The following XPR1 variants were observed in gnomAD, a reference collection of about 807,000 sequenced individuals.
XPR1 encodes solute carrier family 53 member 1.
Under a neutral mutation model 87.5 loss-of-function variants are expected in XPR1, and 28 were observed. The observed-to-expected ratio is 0.32, with a 90% CI of 0.24 to 0.44. The LOEUF is 0.44. Among genes scored for constraint, XPR1 ranks in the 20% least tolerant of loss-of-function variants. The pLI is 1.00. For synonymous variants in XPR1, 300 were observed against 306.1 expected, an observed-to-expected ratio of 0.98 and a Z score of 0.21; for missense variants, 559 against 862.3, an observed-to-expected ratio of 0.65 and a Z score of 4.41.
chr1:180,726,260 G>A (rs1658335615), intron 2 of XPR1, among the ~76,000 whole-genome samples: 1 of 152,176 alleles, frequency 6.6e-6, no homozygotes, highest in Non-Finnish European at 1.5e-5. Flanking sequence ...TCATCAGGAC[G>A]TGGGTGGGGA....
rs1295494647 is a variant in XPR1 at position 180,873,821 on chromosome 1, A to G, written c.1687A>G (p.Ile563Val). The change falls in exon 13 of 15, where the codon ATA (isoleucine) becomes GTA (valine). Residue 563 changes from isoleucine to valine, a missense_variant. Around this residue, in one of 7 missense-constraint regions of XPR1, gnomAD observed 264 missense variants for 377.2 expected, o/e 0.70. Coordinates refer to ENST00000367590, the MANE Select transcript of XPR1 (RefSeq NM_004736.4). Reference protein sequence around the residue: ...YPQKAYYYCAIIEDVILRFAW... With the variant: ...YPQKAYYYCAVIEDVILRFAW... ...TTCTCAGGCCTACTACTACTGTGCC[A>G]TAATAGAGGATGTGATTCTGCGCTT... is the stretch of plus-strand genomic sequence containing the variant. The G allele has an allele frequency of 1.9e-6, 3 of 1,613,970 alleles. No homozygotes were observed. The highest frequency in any genetic ancestry group is 1.7e-5 in the Admixed American group (1 of 59,970).
intron 2 of XPR1, among the ~76,000 whole-genome samples, chr1:180,766,147 G>T (rs1317514858): frequency 6.6e-6 from 1 of 152,060 alleles, no homozygotes; most frequent in Non-Finnish European, 1.5e-5. Context: ...AGTATTTGTT[G>T]TCTTATTTAA....
At chr1:180,713,344 G>A (rs190531225) in intron 2 of XPR1, among the ~76,000 whole-genome samples, 17 of 152,026 alleles carry the variant, frequency 1.1e-4, no homozygotes, top group Admixed American at 2.0e-4. Context: ...TTGATCTTGT[G>A]CAAATTTGCT....
intron 11 of XPR1, among the ~76,000 whole-genome samples, chr1:180,854,588 A>G (rs1651972538): frequency 1.3e-5 from 2 of 152,178 alleles, no homozygotes; most frequent in South Asian, 4.1e-4. Flanking sequence ...TCAAAAAGGA[A>G]TGCTTTGTAA....
chr1:180,639,287 GA>G (rs563556717), intron 1 of XPR1, among the ~76,000 whole-genome samples: 6,221 of 142,406 alleles, frequency 0.044, 453 homozygotes, highest in African/African-American at 0.15. Flanking sequence ...GACACTGTCT[GA>G]AAAAAAAAAA....
intron 11 of XPR1, among the ~76,000 whole-genome samples, chr1:180,859,796 A>AT (rs1312905899): frequency 6.6e-5 from 10 of 152,186 alleles, no homozygotes; most frequent in South Asian, 2.1e-4. Flanking sequence ...AATATAAAAA[A>AT]TTAGAGTGTG....
chr1:180,652,256 C>T (rs1279901360), intron 1 of XPR1, among the ~76,000 whole-genome samples: 8 of 151,966 alleles, frequency 5.3e-5, no homozygotes, highest in Non-Finnish European at 4.4e-5. Context: ...GGCGCCATTG[C>T]ACTCCAGCCT....
chr1:180,781,799 C>T (rs1648953391), intron 2 of XPR1, among the ~76,000 whole-genome samples: 1 of 151,948 alleles, frequency 6.6e-6, no homozygotes, highest in Non-Finnish European at 1.5e-5. Context: ...AGGTATATCT[C>T]CTAAGAATCA....
At chr1:180,701,618 C>T (rs1264863690) in intron 2 of XPR1, among the ~76,000 whole-genome samples, 4 of 138,222 alleles carry the variant, frequency 2.9e-5, no homozygotes, top group Non-Finnish European at 4.6e-5. Context: ...ATTTGTTTTG[C>T]CAGTATTTTA....
intron 2 of XPR1, among the ~76,000 whole-genome samples, chr1:180,741,190 GTC>G (rs1658910005): frequency 6.6e-6 from 1 of 152,156 alleles, no homozygotes; most frequent in African/African-American, 2.4e-5. Context: ...TTGAGACGGA[GTC>G]TCACTCTGTC....
intron 1 of XPR1, among the ~76,000 whole-genome samples, chr1:180,681,400 C>T (rs1045136857): frequency 3.3e-5 from 5 of 152,110 alleles, no homozygotes; most frequent in African/African-American, 1.2e-4. Flanking sequence ...AATCCCAGCA[C>T]TTTGGGAGGC....
intron 11 of XPR1, among the ~76,000 whole-genome samples, chr1:180,852,660 C>T (rs1414941755): frequency 1.3e-5 from 2 of 152,108 alleles, no homozygotes; most frequent in Admixed American, 6.5e-5. Flanking sequence ...GCAGCCCTCT[C>T]ACCTCAGCCT....
chr1:180,815,320 A>G (rs373304698), intron 7 of XPR1, among the ~76,000 whole-genome samples: 1 of 152,122 alleles, frequency 6.6e-6, no homozygotes, highest in Non-Finnish European at 1.5e-5. Flanking sequence ...TGTGCTGTGT[A>G]TGCATTTAGT....
intron 1 of XPR1, among the ~76,000 whole-genome samples, chr1:180,679,087 C>T (rs188962936): frequency 7.9e-5 from 12 of 152,012 alleles, no homozygotes; most frequent in South Asian, 4.2e-4. Context: ...CCCAGCTACT[C>T]GGGAGGCTGA....
At position 180,639,663 on chromosome 1, in the gene XPR1, A is replaced by G. The variant is rs556095089; in HGVS notation, c.69+7393A>G. 7.2e-5 allele frequency among the ~76,000 whole-genome samples: 11 copies of G among 152,314 alleles called. No individual in the cohort carries two copies. In the East Asian group the frequency reaches 1.9e-3, roughly 27 times the overall value. Reference sequence around the variant, plus strand: ...AAAGTCGTAATTCATAGGGTAATCCATGTGCTTTGTGGGCTTTTTTTATAC... The same window carrying G: ...AAAGTCGTAATTCATAGGGTAATCCGTGTGCTTTGTGGGCTTTTTTTATAC... On this transcript the variant is annotated intron_variant, in intron 1 of 14. Coordinates refer to ENST00000367590, the MANE Select transcript of XPR1 (RefSeq NM_004736.4).
chr1:180,728,128 G>A (rs1279537350), intron 2 of XPR1, among the ~76,000 whole-genome samples: 1 of 152,060 alleles, frequency 6.6e-6, no homozygotes, highest in East Asian at 1.9e-4. Flanking sequence ...CAGTCTTTCT[G>A]TAAAGCAAAA....
At chr1:180,747,772 G>C (rs965721004) in intron 2 of XPR1, among the ~76,000 whole-genome samples, 4 of 152,160 alleles carry the variant, frequency 2.6e-5, no homozygotes, top group Admixed American at 6.5e-5. Context: ...AGCCATAAAA[G>C]CGAAGCAAGC....
At chr1:180,714,413 T>TCTCTCTCTCTCTCTCTCTCTCTCTGTC in intron 2 of XPR1, among the ~76,000 whole-genome samples, 1 of 148,394 alleles carries the variant, frequency 6.7e-6, no homozygotes, top group African/African-American at 2.5e-5. Flanking sequence ...GTCGTCTGTC[T>TCTCTCTCTCTCTCTCTCTCTCTCTGTC]GTCTGTCTGT....
At chr1:180,803,248 T>C (rs1340073000) in intron 3 of XPR1, 140 bp from the exon 4 acceptor site, 1 of 733,270 alleles carries the variant, frequency 1.4e-6, no homozygotes, top group Non-Finnish European at 2.1e-6. Flanking sequence ...AAATATTTTT[T>C]CCTATAGAGT....
Sources: allele counts gnomAD v4.1 joint callset (sites outside exome capture counted in the v4.1 genomes callset), GRCh38; gene constraint gnomAD v4.1.1; regional missense constraint gnomAD v4.1.1; transcripts MANE v1.5; gene names NCBI Gene and HGNC (gene_info 2026-07-23, HGNC 2026-07-21).